CLTCL1: variants seen among roughly 807,000 people sequenced by gnomAD.
CLTCL1 encodes clathrin heavy chain like 1.
Under a neutral mutation model 190.0 loss-of-function variants are expected in CLTCL1, and 159 were observed. That is an observed-to-expected ratio of 0.84 (90% confidence interval 0.74 to 0.95). The LOEUF (loss-of-function observed/expected upper bound fraction) is 0.95, where lower values mean the gene tolerates loss of function less well. Among genes scored for constraint, CLTCL1 ranks in the 40% least tolerant of loss-of-function variants. The pLI is 0.00. For missense variants in CLTCL1, 1,878 were observed against 2,033.4 expected (o/e 0.92, Z 1.47); for synonymous variants, 752 against 769.6 (o/e 0.98, Z 0.38).
chr22:19,234,930 A>G (rs180685548), intron 6 of CLTCL1, among the ~76,000 whole-genome samples: 1 of 152,352 alleles, frequency 6.6e-6, no homozygotes, highest in Admixed American at 6.5e-5. Flanking sequence ...AGTCACACAG[A>G]TAAGTGTGAT....
intron 22 of CLTCL1, among the ~76,000 whole-genome samples, chr22:19,206,867 T>G (rs1453166841): frequency 6.6e-6 from 1 of 152,242 alleles, no homozygotes; most frequent in South Asian, 2.1e-4. Context: ...GGGTAACATC[T>G]TATCTACATG....
In CLTCL1 at chr22:19,181,483, T is replaced by TG. The variant is rs1316249507; in HGVS notation, c.4828-678dup. ...AATGTGCCCCCCATGAGCTGGGGTC[T>TG]GGGGGGGGCTGAGAAATGAGGAGGA... On this transcript the variant is annotated intron_variant, in intron 30 of 32. Coordinates refer to ENST00000427926, the MANE Select transcript of CLTCL1 (RefSeq NM_007098.4). 4.9e-3 allele frequency: 738 copies of TG among 152,010 alleles called. 4 individuals carry two copies. Among genetic ancestry groups the TG allele is most frequent in the African/African-American group, 0.015 (622 of 41,340 alleles). The allele number at this position is 152,010 out of a possible 1,614,324, so 9.4% of individuals were successfully genotyped here. A position where few individuals can be genotyped will look rare whatever the true frequency, so the allele number is the denominator to read the frequency against.
chr22:19,288,419 G>A (rs1186155647), intron 1 of CLTCL1, among the ~76,000 whole-genome samples: 1 of 152,158 alleles, frequency 6.6e-6, no homozygotes, highest in African/African-American at 2.4e-5. Flanking sequence ...TATTCCCCAT[G>A]GGTAAATCGG....
chr22:19,245,017 T>C (rs2086372569), intron 3 of CLTCL1, among the ~76,000 whole-genome samples: 1 of 152,012 alleles, frequency 6.6e-6, no homozygotes, highest in African/African-American at 2.4e-5. Flanking sequence ...CCTTATCAGC[T>C]CACCAAGATC....
At chr22:19,191,541 G>C in intron 26 of CLTCL1, 106 bp from the exon 27 acceptor site, 1 of 1,364,274 alleles carries the variant, frequency 7.3e-7, no homozygotes, top group Non-Finnish European at 1.0e-6. Flanking sequence ...GGCCTGCCAT[G>C]ACTACCCCCT....
intron 13 of CLTCL1, 45 bp downstream of exon 13, chr22:19,225,408 A>T (rs895820339): frequency 1.3e-6 from 2 of 1,504,964 alleles, no homozygotes; most frequent in Non-Finnish European, 1.8e-6. Flanking sequence ...CTGAGAAAGG[A>T]GGTGTAGTCA....
At position 19,269,682 on chromosome 22, in the gene CLTCL1, A is replaced by G. The variant is rs362240; in HGVS notation, c.250+5941T>C. ...TCATCCTCAGCAAACTAACACAGGAACAGAAAACCAAACACTGCATGTTCT... is the reference window on the plus strand; with the variant it reads ...TCATCCTCAGCAAACTAACACAGGAGCAGAAAACCAAACACTGCATGTTCT... On this transcript the variant is annotated intron_variant, in intron 2 of 32. Transcript: ENST00000427926. 4.8e-3 allele frequency among the ~76,000 whole-genome samples: 737 copies of G among 152,266 alleles called. 3 individuals are homozygous for G. Among genetic ancestry groups the G allele is most frequent in the Middle Eastern group, 6.8e-3 (2 of 294 alleles).
rs1934896 is a variant in CLTCL1, at chr22:19,221,163, T to C, written c.2796+214A>G. Among the ~76,000 whole-genome samples the C allele has an allele frequency of 5.7e-3, 870 of 152,304 alleles. 11 individuals are homozygous for C. The highest frequency in any genetic ancestry group is 0.019 in the African/African-American group (783 of 41,562). On this transcript the variant is annotated intron_variant, in intron 17 of 32. Coordinates refer to ENST00000427926, the MANE Select transcript of CLTCL1 (RefSeq NM_007098.4). ...GTAAGGACTGTAAGCAGAGGGATGA[T>C]AAGTCAGGTTCAGGACCAACTGGTC...
Position 19,209,132 on chromosome 22 carries a change from A to G in CLTCL1, c.3250-18T>C. The G allele has an allele frequency of 6.4e-7, 1 of 1,561,118 alleles. No homozygotes were observed. The highest frequency in any genetic ancestry group is 2.3e-5 in the East Asian group (1 of 42,900). The stretch of plus-strand genomic sequence containing the variant: ...ATCAGGACCTAGGGGTTATGAGAGG[A>G]CTTCCATTCTCTGCAACATCTAGTC... On this transcript the variant is annotated intron_variant, in intron 20 of 32. Transcript: ENST00000427926.
chr22:19,222,040 A>G lies in CLTCL1; in HGVS notation c.2472T>C (p.Cys824=). The change falls in exon 16 of 33, where the codon TGT becomes TGC. Residue 824 remains cysteine (C), a synonymous_variant. Coordinates refer to ENST00000427926, the MANE Select transcript of CLTCL1 (RefSeq NM_007098.4). ...TTAAGTGTTTAATCACTTCCTCAGA[A>G]CAATCCACATCAAGCAGCCCTCCAA... ...AVIGGLLDVD[C]SEEVIKHLIM... is the part of the protein sequence containing the mutation. 3.1e-6 allele frequency: 5 copies of G among 1,614,000 alleles called. No individual in the cohort carries two copies. The highest frequency in any genetic ancestry group is 2.5e-6 in the Non-Finnish European group (3 of 1,179,896).
chr22:19,191,517 C>T (rs1473375936), intron 26 of CLTCL1, 82 bp from the exon 27 acceptor site: 1 of 1,544,210 alleles, frequency 6.5e-7, no homozygotes, highest in Non-Finnish European at 8.8e-7. Context: ...GCTCAAATGA[C>T]ACTTTACTAC....
chr22:19,187,796 CT>C, intron 28 of CLTCL1, 68 bp from the exon 29 acceptor site: 1 of 1,512,122 alleles, frequency 6.6e-7, no homozygotes. Flanking sequence ...GAGCAGGCAC[CT>C]TGTGTTACTT....
At chr22:19,228,396 A>G (rs2085818985) in intron 11 of CLTCL1, among the ~76,000 whole-genome samples, 2 of 152,220 alleles carry the variant, frequency 1.3e-5, no homozygotes, top group African/African-American at 4.8e-5. Flanking sequence ...TTTCTCCTTT[A>G]GGGTCTGGGC....
At chr22:19,256,423 C>G (rs1555972589) in intron 2 of CLTCL1, among the ~76,000 whole-genome samples, 1 of 128,660 alleles carries the variant, frequency 7.8e-6, no homozygotes, top group African/African-American at 2.9e-5. Context: ...GTGGCATCAT[C>G]TCAGCTCAAT....
chr22:19,230,547 C>A (rs782203289), intron 10 of CLTCL1, among the ~76,000 whole-genome samples: 3 of 152,144 alleles, frequency 2.0e-5, no homozygotes, highest in Non-Finnish European at 4.4e-5. Context: ...GCAGTGACCT[C>A]ATCTCAACAA....
intron 22 of CLTCL1, among the ~76,000 whole-genome samples, chr22:19,204,752 A>G (rs1377183125): frequency 6.6e-6 from 1 of 152,262 alleles, no homozygotes; most frequent in Non-Finnish European, 1.5e-5. Flanking sequence ...TGCAGTCAGC[A>G]GATGCCAGAC....
intron 2 of CLTCL1, among the ~76,000 whole-genome samples, chr22:19,266,556 C>A (rs903801660): frequency 3.3e-5 from 5 of 152,148 alleles, no homozygotes; most frequent in Non-Finnish European, 7.4e-5. Context: ...GGAAGAAGGA[C>A]CTCATTCTCT....
At chr22:19,237,083 A>C (rs1463789690) in intron 5 of CLTCL1, among the ~76,000 whole-genome samples, 1 of 152,222 alleles carries the variant, frequency 6.6e-6, no homozygotes, top group Non-Finnish European at 1.5e-5. Flanking sequence ...CAGCACTTCC[A>C]TAAGGTGCCA....
At chr22:19,180,699 C>T in intron 31 of CLTCL1, 32 bp downstream of exon 31, 1 of 1,611,412 alleles carries the variant, frequency 6.2e-7, no homozygotes. Context: ...TGCTCCCTCC[C>T]CAGGGGGTTG....
Sources: allele counts gnomAD v4.1 joint callset (sites outside exome capture counted in the v4.1 genomes callset), GRCh38; gene constraint gnomAD v4.1.1; transcripts MANE v1.5; gene names NCBI Gene and HGNC (gene_info 2026-07-23, HGNC 2026-07-21).